CDH8: variants seen among roughly 807,000 people sequenced by gnomAD.
CDH8 encodes the protein cadherin 8.
A neutral mutation model predicts 68.1 loss-of-function variants in CDH8; 17 were observed. The ratio of observed to expected loss-of-function variants is 0.25; its 90% CI spans 0.17 to 0.37. The LOEUF is 0.37. Among genes scored for constraint, CDH8 ranks in the 10% least tolerant of loss-of-function variants. CDH8 has a pLI of 1.00. For missense variants in CDH8, 763 were observed against 999.3 expected (o/e 0.76, Z 3.19); for synonymous variants, 372 against 365.1 (o/e 1.02, Z -0.21).
intron 1 of CDH8, among the ~76,000 whole-genome samples, chr16:62,024,429 G>T (rs1902147367): frequency 6.6e-6 from 1 of 152,048 alleles, no homozygotes; most frequent in Non-Finnish European, 1.5e-5. Flanking sequence ...CTGCTTTGTT[G>T]CTAATGACTC....
In CDH8 at chr16:61,652,710, T is replaced by C; in HGVS notation, c.*898A>G. 2 of 1,272,136 alleles carry C rather than the reference T, an allele frequency of 1.6e-6. No individual in the cohort carries two copies. Among genetic ancestry groups the C allele is most frequent in the Non-Finnish European group, 9.9e-7 (1 of 1,007,080 alleles). 78.8% of individuals were successfully genotyped at this position (1,272,136 alleles called of 1,614,324 possible). A position where few individuals can be genotyped will look rare whatever the true frequency, so the allele number is the denominator to read the frequency against. On this transcript the variant is annotated 3_prime_UTR_variant, in exon 12 of 12. Transcript: ENST00000577390. Reference sequence around the variant, plus strand: ...TTTTCCCATATATCCCCTTAATCTATAGATTACCGACCTTAATAAATAAAA... The same window carrying C: ...TTTTCCCATATATCCCCTTAATCTACAGATTACCGACCTTAATAAATAAAA...
chr16:61,886,371 A>AAAGATGCTT (rs1963672711), intron 3 of CDH8, among the ~76,000 whole-genome samples: 1 of 152,246 alleles, frequency 6.6e-6, no homozygotes, highest in African/African-American at 2.4e-5. Flanking sequence ...AGCCAGGAAG[A>AAAGATGCTT]AAGATGCTTT....
chr16:61,683,380 C>A (rs1239280362), intron 10 of CDH8, among the ~76,000 whole-genome samples: 1 of 151,864 alleles, frequency 6.6e-6, no homozygotes, highest in African/African-American at 2.4e-5. Flanking sequence ...ATTAACAGAC[C>A]TTTAGAAGGA....
At chr16:61,967,010 C>A (rs1237294049) in intron 2 of CDH8, among the ~76,000 whole-genome samples, 1 of 152,018 alleles carries the variant, frequency 6.6e-6, no homozygotes, top group African/African-American at 2.4e-5. Context: ...TCAAGACCAG[C>A]CTGAGCAACA....
Position 61,652,525 on chromosome 16 carries a change from A to T in CDH8, c.*1083T>A, listed in dbSNP as rs909748739. ...GGAAGATGCTGTTCCTGCCATCTCC[A>T]GTTACAATAACACTTTCTACTCTAA... On this transcript the variant is annotated 3_prime_UTR_variant, in exon 12 of 12. Transcript: ENST00000577390. 9.8e-7 allele frequency: 1 copy of T among 1,018,314 alleles called. No individual in the cohort carries two copies. The highest frequency in any genetic ancestry group is 1.7e-5 in the African/African-American group (1 of 58,766). The allele number at this position is 1,018,314 out of a possible 1,614,324, so 63.1% of individuals were successfully genotyped here.
chr16:61,984,830 C>G (rs988641021), intron 2 of CDH8, among the ~76,000 whole-genome samples: 2 of 152,080 alleles, frequency 1.3e-5, no homozygotes, highest in Admixed American at 1.3e-4. Context: ...AAGGCATGAA[C>G]TTGATTTTTT....
At chr16:61,985,102 T>C (rs1965603350) in intron 2 of CDH8, among the ~76,000 whole-genome samples, 1 of 151,762 alleles carries the variant, frequency 6.6e-6, no homozygotes, top group Non-Finnish European at 1.5e-5. Context: ...TTTTTTTTCC[T>C]CAAGAATGTC....
At chr16:61,804,578 T>G (rs948136477) in intron 7 of CDH8, among the ~76,000 whole-genome samples, 24 of 147,870 alleles carry the variant, frequency 1.6e-4, no homozygotes, top group Admixed American at 1.4e-3. Context: ...CTAGCAAGAC[T>G]AATAAAGAAA....
chr16:61,772,355 T>C (rs1370559275), intron 8 of CDH8, among the ~76,000 whole-genome samples: 1 of 152,020 alleles, frequency 6.6e-6, no homozygotes, highest in African/African-American at 2.4e-5. Flanking sequence ...GGGTTTTCCC[T>C]AGGAGAATTG....
At chr16:61,711,771 A>T (rs1242119964) in intron 10 of CDH8, 1 of 151,756 alleles carries the variant, frequency 6.6e-6, no homozygotes, top group East Asian at 1.9e-4. Context: ...CACAGTGAAC[A>T]TAAGTCCTAC....
chr16:61,687,611 G>T (rs935813927), intron 10 of CDH8, among the ~76,000 whole-genome samples: 1 of 151,898 alleles, frequency 6.6e-6, no homozygotes, highest in South Asian at 2.1e-4. Flanking sequence ...AAACCTTCCT[G>T]CCAGAAGTAA....
At chr16:61,738,880 C>T (rs1271784026) in intron 8 of CDH8, among the ~76,000 whole-genome samples, 1 of 151,920 alleles carries the variant, frequency 6.6e-6, no homozygotes. Context: ...TGTCTTCATC[C>T]TATTATGTAT....
intron 2 of CDH8, among the ~76,000 whole-genome samples, chr16:61,922,364 G>C (rs1412592461): frequency 6.6e-6 from 1 of 152,034 alleles, no homozygotes; most frequent in African/African-American, 2.4e-5. Flanking sequence ...GTTTACTGTA[G>C]AATATGTGGC....
chr16:61,807,476 TA>T (rs199759065), intron 7 of CDH8, among the ~76,000 whole-genome samples: 132 of 151,154 alleles, frequency 8.7e-4, no homozygotes, highest in East Asian at 4.7e-3. Context: ...TAAAGTATAA[TA>T]AAAAAAACAA....
At chr16:61,969,626 CA>C (rs1194960668) in intron 2 of CDH8, among the ~76,000 whole-genome samples, 2 of 152,154 alleles carry the variant, frequency 1.3e-5, no homozygotes, top group Non-Finnish European at 2.9e-5. Context: ...ATCAATTTAA[CA>C]AAGATTTACT....
intron 7 of CDH8, among the ~76,000 whole-genome samples, chr16:61,811,023 CAAAAA>C (rs34071898): frequency 1.1e-5 from 1 of 87,688 alleles, no homozygotes; most frequent in African/African-American, 4.1e-5. Context: ...GACTCTGTCT[CAAAAA>C]AAAAAAAAAA....
At chr16:62,002,021 A>G (rs1326868973) in intron 2 of CDH8, among the ~76,000 whole-genome samples, 1 of 152,174 alleles carries the variant, frequency 6.6e-6, no homozygotes, top group Non-Finnish European at 1.5e-5. Flanking sequence ...TGTTTCTTCA[A>G]AGTAAATGTT....
chr16:61,682,401 C>G (rs1415048997), intron 10 of CDH8, among the ~76,000 whole-genome samples: 7 of 151,950 alleles, frequency 4.6e-5, no homozygotes, highest in African/African-American at 1.7e-4. Context: ...CTGCTAATTA[C>G]TCTGCATTCT....
intron 8 of CDH8, among the ~76,000 whole-genome samples, chr16:61,727,980 G>T (rs536102358): frequency 1.1e-3 from 169 of 150,976 alleles, no homozygotes; most frequent in Non-Finnish European, 1.9e-3. Flanking sequence ...ATACATTCCT[G>T]ACTTGGGACA....
Sources: allele counts gnomAD v4.1 joint callset (sites outside exome capture counted in the v4.1 genomes callset), GRCh38; gene constraint gnomAD v4.1.1; transcripts MANE v1.5; gene names NCBI Gene and HGNC (gene_info 2026-07-23, HGNC 2026-07-21).